COL19A1: variants seen among roughly 807,000 people sequenced by gnomAD.
The protein encoded by COL19A1 is collagen alpha-1(XIX) chain.
COL19A1 carries 159 observed loss-of-function variants against 190.2 expected under a neutral mutation model. The observed-to-expected ratio is 0.84, with a 90% CI of 0.73 to 0.95. COL19A1 has a LOEUF of 0.95. COL19A1 is among the 40% of genes least tolerant of loss of function. COL19A1 has a pLI of 0.00. For missense variants in COL19A1, 1,418 were observed against 1,431.9 expected, an observed-to-expected ratio of 0.99 and a Z score of 0.16; for synonymous variants, 509 against 458.9, an observed-to-expected ratio of 1.11 and a Z score of -1.39.
chr6:70,078,346 G>A (rs946378831), intron 15 of COL19A1, among the ~76,000 whole-genome samples: 1 of 152,172 alleles, frequency 6.6e-6, no homozygotes, highest in Admixed American at 6.5e-5. Context: ...TTGTATAAGC[G>A]ATTTACAGAA....
chr6:70,123,675 G>A (rs894294725), intron 17 of COL19A1, among the ~76,000 whole-genome samples: 2 of 147,222 alleles, frequency 1.4e-5, no homozygotes, highest in African/African-American at 5.2e-5. Flanking sequence ...GGATGAAATT[G>A]GAAATCATCA....
intron 4 of COL19A1, among the ~76,000 whole-genome samples, chr6:69,920,169 G>A (rs1362828188): frequency 6.6e-6 from 1 of 152,076 alleles, no homozygotes; most frequent in African/African-American, 2.4e-5. Flanking sequence ...CACCAAGAAA[G>A]AAACATTTTA....
chr6:69,914,262 G>GA (rs1771148820), intron 4 of COL19A1, among the ~76,000 whole-genome samples: 1 of 152,142 alleles, frequency 6.6e-6, no homozygotes, highest in African/African-American at 2.4e-5. Flanking sequence ...TGTGGCTGTG[G>GA]AACTCCAACA....
intron 15 of COL19A1, among the ~76,000 whole-genome samples, chr6:70,092,079 G>A (rs1181473108): frequency 2.0e-5 from 3 of 152,064 alleles, no homozygotes; most frequent in African/African-American, 7.2e-5. Context: ...GTGGTGAGCT[G>A]GGAAATGCCG....
intron 11 of COL19A1, among the ~76,000 whole-genome samples, chr6:69,978,254 TAGAG>T (rs1170480394): frequency 1.3e-5 from 2 of 151,924 alleles, no homozygotes; most frequent in Admixed American, 1.3e-4. Flanking sequence ...CATACATATA[TAGAG>T]AGAGAGAAAG....
chr6:69,955,522 AGTGTGTGTGTGTGTGTGT>A (rs60501043), intron 9 of COL19A1, among the ~76,000 whole-genome samples: 2 of 138,874 alleles, frequency 1.4e-5, no homozygotes, highest in South Asian at 2.5e-4. Context: ...GCCACAGCAA[AGTGTGTGTGTGTGTGTGT>A]GTGTGTGTGT....
rs764821009 is a variant in COL19A1 at position 70,188,106 on chromosome 6, C to T, written c.2888C>T (p.Ser963Leu). The T allele has an allele frequency of 3.7e-6, 6 of 1,613,568 alleles. No individual in the cohort carries two copies. In the South Asian group the frequency reaches 6.6e-5, roughly 18 times the overall value. Residue 963 changes from serine to leucine, a missense_variant, in exon 47 of 51, where the codon TCA becomes TTA. Transcript: ENST00000620364. ...CAGGGGATTCCAGGAGACAGAGGCTCACAAGGTGAACGGGGAAAACCAGGC... is the reference window on the plus strand; with the variant it reads ...CAGGGGATTCCAGGAGACAGAGGCTTACAAGGTGAACGGGGAAAACCAGGC... ...GDQGIPGDRGSQGERGKPGLT... is the reference protein window; with the variant it reads ...GDQGIPGDRGLQGERGKPGLT...
At chr6:70,112,497 CT>C (rs796357194) in intron 16 of COL19A1, among the ~76,000 whole-genome samples, 103 of 151,486 alleles carry the variant, frequency 6.8e-4, no homozygotes, top group South Asian at 1.3e-3. Context: ...GGGGAGGAAT[CT>C]TTTTTTTTCT....
intron 2 of COL19A1, among the ~76,000 whole-genome samples, chr6:69,897,380 CTTCT>C (rs1769857098): frequency 6.6e-6 from 1 of 151,828 alleles, no homozygotes; most frequent in Admixed American, 6.6e-5. Flanking sequence ...CTAGCTTATT[CTTCT>C]TTAATTTTGC....
chr6:69,951,365 G>A (rs899658458), intron 9 of COL19A1, among the ~76,000 whole-genome samples: 2 of 151,772 alleles, frequency 1.3e-5, no homozygotes, highest in Admixed American at 6.6e-5. Flanking sequence ...TAAATATTTG[G>A]TAAACAACAG....
intron 16 of COL19A1, among the ~76,000 whole-genome samples, chr6:70,114,657 G>A (rs1784465455): frequency 6.6e-6 from 1 of 152,004 alleles, no homozygotes; most frequent in Admixed American, 6.6e-5. Flanking sequence ...AAGCAAAAGG[G>A]TTGATATTTT....
intron 16 of COL19A1, among the ~76,000 whole-genome samples, chr6:70,107,396 G>A (rs2150194571): frequency 6.6e-6 from 1 of 152,186 alleles, no homozygotes; most frequent in South Asian, 2.1e-4. Context: ...ATGTTTCCTT[G>A]TCTCCATTTT....
At chr6:70,149,798 T>C in intron 28 of COL19A1, 53 bp from the exon 29 acceptor site, 1 of 1,613,496 alleles carries the variant, frequency 6.2e-7, no homozygotes, top group Admixed American at 1.7e-5. Context: ...TTGGGGGAAA[T>C]GACTGAAAGA....
rs967311344 is a variant in COL19A1 at position 70,029,648 on chromosome 6, G to A, written c.1081-4597G>A. Among the ~76,000 whole-genome samples, 4 of 152,124 alleles carry A rather than the reference G, an allele frequency of 2.6e-5. No individual in the cohort carries two copies. The South Asian group carries it at 6.2e-4, about 24-fold the overall frequency. ...AGCATTACTGATGTGTTTCTCAGAGGCTATTACAATGCCATGGCCTTAACA... is the reference window on the plus strand; with the variant it reads ...AGCATTACTGATGTGTTTCTCAGAGACTATTACAATGCCATGGCCTTAACA... On this transcript the variant is annotated intron_variant, in intron 12 of 50. Transcript: ENST00000620364.
intron 12 of COL19A1, among the ~76,000 whole-genome samples, chr6:70,033,363 T>C (rs1245088111): frequency 6.6e-6 from 1 of 152,142 alleles, no homozygotes; most frequent in Non-Finnish European, 1.5e-5. Flanking sequence ...AGACTTGCTG[T>C]GCATTGTGTG....
At chr6:70,198,521 T>C (rs1291871708) in intron 48 of COL19A1, among the ~76,000 whole-genome samples, 1 of 152,192 alleles carries the variant, frequency 6.6e-6, no homozygotes, top group Admixed American at 6.5e-5. Flanking sequence ...AATCTAGTTG[T>C]TCATATATTA....
intron 4 of COL19A1, among the ~76,000 whole-genome samples, chr6:69,921,158 T>TATATATTCATATACGTATCAC (rs1231427079): frequency 7.8e-6 from 1 of 128,936 alleles, no homozygotes; most frequent in African/African-American, 2.8e-5. Flanking sequence ...ATGTATCACG[T>TATATATTCATATACGTATCAC]ATATATTCAT....
chr6:69,897,085 T>A (rs1769827225), intron 2 of COL19A1, among the ~76,000 whole-genome samples: 1 of 152,258 alleles, frequency 6.6e-6, no homozygotes, highest in African/African-American at 2.4e-5. Context: ...GACTTTGTTG[T>A]CTTGTGGATG....
chr6:70,125,675 G>GGATATGTGGATGGA (rs1403881337), intron 17 of COL19A1, among the ~76,000 whole-genome samples: 2 of 152,154 alleles, frequency 1.3e-5, no homozygotes, highest in African/African-American at 4.8e-5. Flanking sequence ...ATATGAGTGT[G>GGATATGTGGATGGA]TTTATGTGGA....
Sources: gnomAD v4.1 joint callset for allele counts (sites outside exome capture counted in the v4.1 genomes callset) on GRCh38, gnomAD v4.1.1 for gene constraint, MANE v1.5 for transcripts, NCBI Gene and HGNC (gene_info 2026-07-23, HGNC 2026-07-21) for gene names.